The following SH3RF3 variants were observed in gnomAD, a reference collection of about 807,000 sequenced individuals.
SH3RF3 encodes the protein SH3 domain containing ring finger 3, also known as E3 ubiquitin-protein ligase SH3RF3.
In SH3RF3, 29 loss-of-function variants were observed where a neutral mutation model predicts 66.3. The observed-to-expected ratio is 0.44, with a 90% confidence interval of 0.33 to 0.60. The LOEUF is 0.60. Among genes scored for constraint, SH3RF3 ranks in the 20% least tolerant of loss-of-function variants. SH3RF3 has a pLI of 0.04. For synonymous variants in SH3RF3, 583 were observed against 532.0 expected, an observed-to-expected ratio of 1.10 and a Z score of -1.32; for missense variants, 1,194 against 1,190.9, an observed-to-expected ratio of 1.00 and a Z score of -0.04.
chr2:109,476,125 GA>G (rs1678676735), intron 8 of SH3RF3, among the ~76,000 whole-genome samples: 1 of 152,176 alleles, frequency 6.6e-6, no homozygotes, highest in South Asian at 2.1e-4. Flanking sequence ...AAACTAAGAG[GA>G]AATTATTTAA....
At chr2:109,360,928 A>G (rs1683040290) in intron 2 of SH3RF3, among the ~76,000 whole-genome samples, 1 of 152,248 alleles carries the variant, frequency 6.6e-6, no homozygotes, top group Admixed American at 6.5e-5. Context: ...GTTTCCCACC[A>G]TTAAGTTTCT....
intron 1 of SH3RF3, among the ~76,000 whole-genome samples, chr2:109,316,510 C>T (rs564054729): frequency 1.4e-4 from 21 of 152,304 alleles, no homozygotes; most frequent in African/African-American, 4.8e-4. Flanking sequence ...CTTATCACTC[C>T]TCTTAGAGAT....
intron 8 of SH3RF3, among the ~76,000 whole-genome samples, chr2:109,468,577 G>T (rs150378603): frequency 2.0e-5 from 3 of 152,098 alleles, no homozygotes; most frequent in Non-Finnish European, 4.4e-5. Context: ...AGTTAGGCCC[G>T]GTGTGGTAGC....
intron 1 of SH3RF3, among the ~76,000 whole-genome samples, chr2:109,221,563 C>G (rs909197397): frequency 2.3e-5 from 3 of 133,168 alleles, no homozygotes; most frequent in African/African-American, 8.9e-5. Flanking sequence ...GCCTGGGTGA[C>G]AGGGTGAGAC....
Position 109,312,319 on chromosome 2 carries a change from C to G in SH3RF3, c.574-35355C>G, listed in dbSNP as rs569031946. Among the ~76,000 whole-genome samples, 5 of 152,290 alleles carry G rather than the reference C, an allele frequency of 3.3e-5. No individual in the cohort carries two copies. The East Asian group carries it at 9.7e-4, about 29-fold the overall frequency. ...CTTCCCACTCGAGGTTGGCTTGCTC[C>G]TCTTTCTAATAATTCTAACAAGTTT... On this transcript the variant is annotated intron_variant, in intron 1 of 9. Coordinates refer to ENST00000309415, the MANE Select transcript of SH3RF3 (RefSeq NM_001099289.3).
chr2:109,291,143 A>T (rs1004415223), intron 1 of SH3RF3, among the ~76,000 whole-genome samples: 1 of 152,214 alleles, frequency 6.6e-6, no homozygotes, highest in African/African-American at 2.4e-5. Context: ...GATTTGGGGC[A>T]CTTGTCTCAT....
Position 109,504,334 on chromosome 2 carries a change from G to A in SH3RF3, c.*2663G>A, listed in dbSNP as rs1679473931. The stretch of plus-strand genomic sequence containing the variant: ...GCCATGGCTGAAGTCAGTGGACACC[G>A]AGGGGACAGGACTGCAGGCCACCAG... On this transcript the variant is annotated 3_prime_UTR_variant, in exon 10 of 10. Coordinates refer to ENST00000309415, the MANE Select transcript of SH3RF3 (RefSeq NM_001099289.3). 6.6e-6 allele frequency: 1 copy of A among 152,216 alleles called. No homozygotes were observed. Among genetic ancestry groups the A allele is most frequent in the South Asian group, 2.1e-4 (1 of 4,832 alleles). 9.4% of individuals were successfully genotyped at this position (152,216 alleles called of 1,614,324 possible).
chr2:109,312,919 G>A (rs1681765605), intron 1 of SH3RF3, among the ~76,000 whole-genome samples: 1 of 152,134 alleles, frequency 6.6e-6, no homozygotes, highest in Admixed American at 6.5e-5. Context: ...GGTCATCCTA[G>A]GTGTACGTTA....
chr2:109,498,921 C>T (rs527580501), intron 9 of SH3RF3, among the ~76,000 whole-genome samples: 1 of 152,280 alleles, frequency 6.6e-6, no homozygotes, highest in South Asian at 2.1e-4. Context: ...GGTGGGTGCA[C>T]CTGGGGTCGC....
chr2:109,149,227 G>C (rs6705120), intron 1 of SH3RF3, among the ~76,000 whole-genome samples: 104,255 of 151,926 alleles, frequency 0.69, 36,691 homozygotes, highest in Non-Finnish European at 0.72. Flanking sequence ...GCTTTTATTC[G>C]GACTTCTCTA....
At chr2:109,342,894 G>T (rs1332344951) in intron 1 of SH3RF3, among the ~76,000 whole-genome samples, 2 of 152,196 alleles carry the variant, frequency 1.3e-5, no homozygotes, top group African/African-American at 4.8e-5. Context: ...TTGCAGGGGT[G>T]GCTGATGTTA....
chr2:109,367,119 A>ATTTTTTTTTT (rs150005222), intron 2 of SH3RF3, among the ~76,000 whole-genome samples: 1 of 113,292 alleles, frequency 8.8e-6, no homozygotes, highest in African/African-American at 3.5e-5. Flanking sequence ...TGCCCTGGTA[A>ATTTTTTTTTT]TTTTTTTTTT....
At position 109,457,123 on chromosome 2, in the gene SH3RF3, AC is replaced by A. The variant is rs1678082391; in HGVS notation, c.2148+7636del. Among the ~76,000 whole-genome samples the A allele has an allele frequency of 3.9e-5, 6 of 152,334 alleles. No individual in the cohort carries two copies. The South Asian group carries it at 1.2e-3, about 32-fold the overall frequency. ...ACATCTGTGAAATGGGGACGATAGC[AC>A]CTACCACCCTGAGTTGTTGGGAGTA... On this transcript the variant is annotated intron_variant, in intron 8 of 9. Transcript: ENST00000309415.
chr2:109,342,635 C>A (rs541124955), intron 1 of SH3RF3, among the ~76,000 whole-genome samples: 1 of 152,192 alleles, frequency 6.6e-6, no homozygotes, highest in African/African-American at 2.4e-5. Context: ...CGCTGCAGGC[C>A]GACTCTGGCA....
intron 9 of SH3RF3, among the ~76,000 whole-genome samples, chr2:109,495,865 C>A (rs988397552): frequency 1.3e-5 from 2 of 152,140 alleles, no homozygotes; most frequent in African/African-American, 4.8e-5. Context: ...GGGTATAATA[C>A]TTGTAAATCA....
At chr2:109,454,039 T>TA (rs1360744845) in intron 8 of SH3RF3, among the ~76,000 whole-genome samples, 1 of 152,228 alleles carries the variant, frequency 6.6e-6, no homozygotes, top group Non-Finnish European at 1.5e-5. Flanking sequence ...ACTACTTAAA[T>TA]ATCCTGTAAC....
chr2:109,300,939 G>T (rs1681451545), intron 1 of SH3RF3, among the ~76,000 whole-genome samples: 2 of 152,238 alleles, frequency 1.3e-5, no homozygotes, highest in Non-Finnish European at 2.9e-5. Context: ...CCACAGCATG[G>T]CTGCTGGCTA....
At chr2:109,390,071 C>T (rs548996354) in intron 3 of SH3RF3, among the ~76,000 whole-genome samples, 51 of 152,294 alleles carry the variant, frequency 3.3e-4, no homozygotes, top group African/African-American at 1.2e-3. Flanking sequence ...AGCACACACC[C>T]CACCGGAGGG....
chr2:109,157,873 A>G (rs540797691), intron 1 of SH3RF3, among the ~76,000 whole-genome samples: 3 of 152,206 alleles, frequency 2.0e-5, no homozygotes, highest in African/African-American at 7.2e-5. Context: ...CAGCTCTCCT[A>G]GGAGACCCTC....
Sources: gnomAD v4.1 joint callset for allele counts (sites outside exome capture counted in the v4.1 genomes callset) on GRCh38, gnomAD v4.1.1 for gene constraint, MANE v1.5 for transcripts, NCBI Gene and HGNC (gene_info 2026-07-23, HGNC 2026-07-21) for gene names.